Variants in WDR47 observed in about 807,000 individuals in gnomAD.
WDR47 encodes the protein WD repeat domain 47.
In WDR47, 32 loss-of-function variants were observed where a neutral mutation model predicts 97.2. The ratio of observed to expected loss-of-function variants is 0.33; its 90% CI spans 0.25 to 0.44. WDR47 has a LOEUF of 0.44. Ranked by LOEUF, WDR47 falls within the 20% of genes least tolerant of loss-of-function variation. WDR47 has a pLI of 1.00. For synonymous variants in WDR47, 375 were observed against 373.5 expected, an observed-to-expected ratio of 1.00 and a Z score of -0.05; for missense variants, 782 against 1,102.3, an observed-to-expected ratio of 0.71 and a Z score of 4.11.
rs1661989224 is a variant in WDR47, at chr1:109,023,395, C to T, written c.118G>A (p.Val40Ile). The T allele has an allele frequency of 6.2e-7, 1 of 1,613,712 alleles. No individual in the cohort carries two copies. The highest frequency in any genetic ancestry group is 8.5e-7 in the Non-Finnish European group (1 of 1,179,862). The change falls in exon 2 of 15, where the codon GTC (valine) becomes ATC (isoleucine). Residue 40 changes from valine (V) to isoleucine (I), a missense_variant. Physicochemically the swap from Val to Ile is conservative, Grantham distance 29. Transcript: ENST00000369962. ...TCATCTGAAAACAGGCCATTTATGA[C>T]TCCACTTTCCTTCTCCAGGGCCAGC... is the stretch of plus-strand genomic sequence containing the variant. ...SMLALEKESG[V>I]INGLFSDDML...
intron 4 of WDR47, among the ~76,000 whole-genome samples, chr1:109,013,114 C>G (rs1661167582): frequency 2.0e-5 from 3 of 152,156 alleles, no homozygotes; most frequent in African/African-American, 7.2e-5. Context: ...TAGCTAGCCT[C>G]TTTAACCAGC....
chr1:109,031,312 A>C (rs1300828937), intron 1 of WDR47, among the ~76,000 whole-genome samples: 1 of 140,444 alleles, frequency 7.1e-6, no homozygotes, highest in Non-Finnish European at 1.6e-5. Flanking sequence ...GGCCAGAAGA[A>C]ATAAATTATG....
chr1:109,033,854 G>A (rs904638029), intron 1 of WDR47, among the ~76,000 whole-genome samples: 4 of 152,232 alleles, frequency 2.6e-5, no homozygotes, highest in African/African-American at 9.6e-5. Context: ...GGGAGTCGGA[G>A]GTTGCAGTGA....
chr1:109,032,349 A>C (rs1366959854), intron 1 of WDR47, among the ~76,000 whole-genome samples: 2 of 134,638 alleles, frequency 1.5e-5, no homozygotes, highest in African/African-American at 2.7e-5. Flanking sequence ...TCTACTAAAA[A>C]TACAGAAGAT....
At chr1:108,983,931 T>C (rs911289645) in intron 10 of WDR47, among the ~76,000 whole-genome samples, 1 of 152,246 alleles carries the variant, frequency 6.6e-6, no homozygotes, top group African/African-American at 2.4e-5. Flanking sequence ...ACTACCCATA[T>C]ACAGTAAGGC....
chr1:108,971,496 G>C lies in WDR47; in HGVS notation c.2694C>G (p.Thr898=), dbSNP rs1314417203. Residue 898 remains threonine (T), a synonymous_variant, in exon 15 of 15, where the codon ACC becomes ACG. Coordinates refer to ENST00000369962, the MANE Select transcript of WDR47 (RefSeq NM_001142551.2). ...KDKVIQCRWH[T]QDLSFLSSSA... ...AGGATGACAGGAAGGAAAGATCCTG[G>C]GTGTGCCATCTGCACTGAATCACTT... The C allele has an allele frequency of 6.2e-7, 1 of 1,614,002 alleles. No individual in the cohort carries two copies. Among genetic ancestry groups the C allele is most frequent in the African/African-American group, 1.3e-5 (1 of 74,900 alleles).
At chr1:109,020,051 G>A (rs1661708513) in intron 2 of WDR47, among the ~76,000 whole-genome samples, 2 of 151,824 alleles carry the variant, frequency 1.3e-5, no homozygotes, top group Admixed American at 1.3e-4. Context: ...TTCAAGATCA[G>A]CCAAGGGCAA....
intron 1 of WDR47, among the ~76,000 whole-genome samples, chr1:109,038,965 C>T (rs149317753): frequency 9.9e-5 from 15 of 151,836 alleles, no homozygotes; most frequent in African/African-American, 3.6e-4. Flanking sequence ...GGCAACAGAG[C>T]GAGACCCCAT....
chr1:109,008,404 G>A (rs1169718471), intron 5 of WDR47, among the ~76,000 whole-genome samples: 1 of 151,800 alleles, frequency 6.6e-6, no homozygotes, highest in Non-Finnish European at 1.5e-5. Context: ...CAAGTAGCTG[G>A]GATTATAGGC....
At chr1:109,010,660 G>C (rs1448645279) in intron 5 of WDR47, among the ~76,000 whole-genome samples, 1 of 142,392 alleles carries the variant, frequency 7.0e-6, no homozygotes. Flanking sequence ...TCAGCTCACT[G>C]CAAGCTCCCC....
chr1:108,993,325 C>CA (rs35638565), intron 8 of WDR47, among the ~76,000 whole-genome samples: 1,372 of 123,522 alleles, frequency 0.011, 9 homozygotes, highest in East Asian at 0.021. Flanking sequence ...GACACTGTCT[C>CA]AAAAAAAAAA....
chr1:108,981,624 G>T (rs1455385743), intron 13 of WDR47, 109 bp downstream of exon 13: 3 of 1,039,874 alleles, frequency 2.9e-6, no homozygotes, highest in Non-Finnish European at 4.0e-6. Context: ...AAAATATCAA[G>T]TATTTATTTC....
intron 5 of WDR47, among the ~76,000 whole-genome samples, chr1:109,010,317 G>T (rs1301903213): frequency 6.6e-6 from 1 of 152,170 alleles, no homozygotes; most frequent in Non-Finnish European, 1.5e-5. Flanking sequence ...AGAACTTTGG[G>T]AGGCCAAGGC....
In WDR47 at chr1:109,004,039, C is replaced by T. The variant is rs866708895; in HGVS notation, c.1254+553G>A. Among the ~76,000 whole-genome samples, 113 of 152,008 alleles carry T rather than the reference C, an allele frequency of 7.4e-4. 1 individual carries two copies. The highest frequency in any genetic ancestry group is 3.4e-3 in the Middle Eastern group (1 of 294). On this transcript the variant is annotated intron_variant, in intron 6 of 14. Coordinates refer to ENST00000369962, the MANE Select transcript of WDR47 (RefSeq NM_001142551.2). ...CAGCACTCTGGAAGGCCGAGGTGGG[C>T]GGATCACGAGGTCAGGAGATCGAGA...
Position 108,971,602 on chromosome 1 carries a change from A to G in WDR47, c.2618-30T>C, listed in dbSNP as rs1023751302. On this transcript the variant is annotated intron_variant, in intron 14 of 14. Transcript: ENST00000369962. Reference sequence around the variant, plus strand: ...ATTACAAAAGAGATGTTGATTTACAATGCAAAATAAGTATATGTATAGATT... The same window carrying G: ...ATTACAAAAGAGATGTTGATTTACAGTGCAAAATAAGTATATGTATAGATT... 3 of 1,613,502 alleles carry G rather than the reference A, an allele frequency of 1.9e-6. No individual in the cohort carries two copies. In the African/African-American group the frequency reaches 4.0e-5, roughly 22 times the overall value.
At chr1:109,023,068 T>G (rs1411138857) in intron 2 of WDR47, among the ~76,000 whole-genome samples, 1 of 151,450 alleles carries the variant, frequency 6.6e-6, no homozygotes. Flanking sequence ...CTGGCCGTGG[T>G]GATGGGCGCC....
chr1:109,015,702 A>G (rs573931924), intron 3 of WDR47, among the ~76,000 whole-genome samples: 1 of 151,020 alleles, frequency 6.6e-6, no homozygotes, highest in African/African-American at 2.4e-5. Context: ...AAAAAAGAGA[A>G]ATTTGCCAGG....
At chr1:109,013,008 G>A (rs1204745525) in intron 4 of WDR47, among the ~76,000 whole-genome samples, 1 of 152,134 alleles carries the variant, frequency 6.6e-6, no homozygotes, top group Non-Finnish European at 1.5e-5. Flanking sequence ...GCAAGGTAAT[G>A]GTATTGGAAA....
At chr1:108,982,511 G>A (rs576582159) in intron 12 of WDR47, 98 bp downstream of exon 12, 5 of 1,431,280 alleles carry the variant, frequency 3.5e-6, no homozygotes, top group Admixed American at 2.3e-5. Context: ...TGGACAGTAA[G>A]AGCAAGACCC....
Sources: allele counts gnomAD v4.1 joint callset (sites outside exome capture counted in the v4.1 genomes callset), GRCh38; gene constraint gnomAD v4.1.1; transcripts MANE v1.5; gene names NCBI Gene and HGNC (gene_info 2026-07-23, HGNC 2026-07-21).